Variants in AMZ1 observed in about 807,000 individuals in gnomAD.
AMZ1 encodes archaemetzincin-1.
AMZ1 carries 39 observed loss-of-function variants against 29.9 expected under a neutral mutation model. That is an observed-to-expected ratio of 1.30 (90% CI 1.01 to 1.70). The LOEUF is 1.70. AMZ1 is among the 40% of genes most tolerant of loss of function. The pLI, the probability that AMZ1 is intolerant of heterozygous loss-of-function variation, is 0.00. For synonymous variants in AMZ1, 458 were observed against 304.0 expected (o/e 1.51, Z -5.27); for missense variants, 1,041 against 680.6 (o/e 1.53, Z -5.89).
chr7:2,702,638 G>A, intron 2 of AMZ1, 84 bp from the exon 3 acceptor site: 3 of 1,429,724 alleles, frequency 2.1e-6, no homozygotes, highest in Non-Finnish European at 1.8e-6. Context: ...CACCCAGCAG[G>A]CCGGTGTCTG....
rs768068698 is a variant in AMZ1, at chr7:2,700,644, G to A, written c.193G>A (p.Asp65Asn). 7 of 1,611,814 alleles carry A rather than the reference G, an allele frequency of 4.3e-6. No homozygotes were observed. Among genetic ancestry groups the A allele is most frequent in the African/African-American group, 1.3e-5 (1 of 74,916 alleles). The change falls in exon 2 of 7, where the codon GAC (aspartate) becomes AAC (asparagine). Residue 65 changes from aspartate to asparagine, a missense_variant. Coordinates refer to ENST00000683327, the MANE Select transcript of AMZ1 (RefSeq NM_001384743.1). ...FCTLLIRTGF[D>N]WLLSRPEAPE... ...CACCCTGCTCATCCGCACGGGCTTC[G>A]ACTGGCTCCTGAGCCGACCCGAGGC...
chr7:2,762,048 C>T (rs1490472047), upstream of AMZ1: 4 of 152,540 alleles, frequency 2.6e-5, no homozygotes, highest in Admixed American at 1.3e-4. Context: ...GCTCCATCCG[C>T]ATTCCTTACC....
At chr7:2,703,928 G>A (rs1431752597) in intron 3 of AMZ1, among the ~76,000 whole-genome samples, 4 of 151,868 alleles carry the variant, frequency 2.6e-5, no homozygotes, top group East Asian at 1.9e-4. Flanking sequence ...TTGCTCTGTC[G>A]CCCAGGCTGG....
chr7:2,742,034 T>G (rs951994015), intron 4 of AMZ1, among the ~76,000 whole-genome samples: 1 of 151,954 alleles, frequency 6.6e-6, no homozygotes, highest in Non-Finnish European at 1.5e-5. Flanking sequence ...ATTTTTTTAT[T>G]TTTTTGAGAT....
At chr7:2,702,959 G>C (rs968916143) in intron 3 of AMZ1, 70 bp downstream of exon 3, 4 of 1,480,576 alleles carry the variant, frequency 2.7e-6, no homozygotes, top group East Asian at 2.5e-5. Flanking sequence ...TGGGAGGAAG[G>C]CGCCCAGGAG....
chr7:2,692,417 C>A lies in AMZ1; in HGVS notation c.-219+4121C>A, dbSNP rs1483629114. ...ATTAGCCGGGTGTGGTGGCGGGCGC[C>A]TTTAGTCCCAGCTATTCGGGAGGCT... On this transcript the variant is annotated intron_variant, in intron 1 of 6. Coordinates refer to ENST00000683327, the MANE Select transcript of AMZ1 (RefSeq NM_001384743.1). Among the ~76,000 whole-genome samples, 6 of 152,228 alleles carry A rather than the reference C, an allele frequency of 3.9e-5. No homozygotes were observed. The East Asian group carries it at 9.6e-4, about 24-fold the overall frequency.
At chr7:2,739,733 G>C (rs1208619085) in intron 4 of AMZ1, among the ~76,000 whole-genome samples, 3 of 152,124 alleles carry the variant, frequency 2.0e-5, no homozygotes, top group Admixed American at 6.5e-5. Flanking sequence ...GAGTGTAGTG[G>C]TGCGATCTTG....
At chr7:2,689,263 G>C (rs575975146) in intron 1 of AMZ1, among the ~76,000 whole-genome samples, 9 of 152,208 alleles carry the variant, frequency 5.9e-5, no homozygotes, top group Non-Finnish European at 1.3e-4. Flanking sequence ...GGTCAGATGG[G>C]GGAGCATGAG....
chr7:2,708,674 G>A lies in AMZ1; in HGVS notation c.559G>A (p.Glu187Lys), dbSNP rs1288935530. 29 of 1,613,044 alleles carry A rather than the reference G, an allele frequency of 1.8e-5. No individual in the cohort carries two copies. Among genetic ancestry groups the A allele is most frequent in the South Asian group, 2.2e-5 (2 of 91,076 alleles). Residue 187 changes from glutamate (E) to lysine (K), a missense_variant, in exon 4 of 7, where the codon GAG (glutamate) becomes AAG (lysine). Transcript: ENST00000683327. The stretch of plus-strand genomic sequence containing the variant: ...CACACTGTCTGACCTGTACCCCCAT[G>A]AGGCCTGGAGCTTCACCTTCAGCAA... ...GLTLSDLYPH[E>K]AWSFTFSKFL...
At chr7:2,687,325 TA>T (rs753707619), upstream of AMZ1, among the ~76,000 whole-genome samples, 1,007 of 142,406 alleles carry the variant, frequency 7.1e-3, no homozygotes, top group Middle Eastern at 0.011. Flanking sequence ...AGACTCCATC[TA>T]AAAAAAAAAA....
intron 4 of AMZ1, among the ~76,000 whole-genome samples, chr7:2,754,159 G>C (rs1381288434): frequency 2.6e-5 from 4 of 152,144 alleles, no homozygotes; most frequent in Non-Finnish European, 5.9e-5. Context: ...TATTGTATCT[G>C]TGTTAATAGG....
Position 2,700,719 on chromosome 7 carries a change from C to G in AMZ1, c.268C>G (p.Arg90Gly), listed in dbSNP as rs201758008. The part of the protein sequence containing the change: ...FHASLQHRKP[R>G]LARKHIYLQP... ...CGCCTCCCTGCAGCACCGGAAGCCCCGCCTGGCTCGGAAGCACATCTACCT... is the reference window on the plus strand; with the variant it reads ...CGCCTCCCTGCAGCACCGGAAGCCCGGCCTGGCTCGGAAGCACATCTACCT... The change falls in exon 2 of 7, where the codon CGC becomes GGC. Residue 90 changes from arginine to glycine, a missense_variant. By Grantham distance (125) the Arg-to-Gly change is moderately radical. Coordinates refer to ENST00000683327, the MANE Select transcript of AMZ1 (RefSeq NM_001384743.1). The G allele has an allele frequency of 1.2e-6, 2 of 1,612,986 alleles. No individual in the cohort carries two copies. Among genetic ancestry groups the G allele is most frequent in the African/African-American group, 2.7e-5 (2 of 74,930 alleles).
At chr7:2,763,217 CA>C, upstream of AMZ1, 2 of 435,364 alleles carry the variant, frequency 4.6e-6, no homozygotes, top group South Asian at 1.0e-4. Context: ...CACACACACA[CA>C]CACACACACA....
upstream of AMZ1, among the ~76,000 whole-genome samples, chr7:2,684,876 T>C (rs1787011269): frequency 6.7e-6 from 1 of 148,746 alleles, no homozygotes; most frequent in African/African-American, 2.5e-5. Context: ...TAATTGCTTT[T>C]TTTTTTTTTT....
intron 4 of AMZ1, among the ~76,000 whole-genome samples, chr7:2,746,185 G>A (rs555403985): frequency 5.4e-4 from 82 of 152,120 alleles, no homozygotes; most frequent in Middle Eastern, 3.4e-3. Flanking sequence ...AGACATCTAC[G>A]GAACTCTCCA....
At chr7:2,725,135 A>T (rs1423708825) in intron 4 of AMZ1, among the ~76,000 whole-genome samples, 1 of 152,148 alleles carries the variant, frequency 6.6e-6, no homozygotes, top group Non-Finnish European at 1.5e-5. Context: ...TGTGAATGGG[A>T]AATTCAAACA....
intron 4 of AMZ1, among the ~76,000 whole-genome samples, chr7:2,737,868 A>C (rs1382930800): frequency 6.6e-6 from 1 of 152,206 alleles, no homozygotes; most frequent in Non-Finnish European, 1.5e-5. Flanking sequence ...ACGCTAGCCA[A>C]ACAACAGAGA....
downstream of AMZ1, among the ~76,000 whole-genome samples, chr7:2,721,517 C>A (rs909514538): frequency 6.6e-6 from 1 of 152,122 alleles, no homozygotes. Context: ...GAGATCGAGA[C>A]CATCCTCGCT....
At chr7:2,736,343 CACTCAAGATTAACACAA>C (rs1282960053) in intron 4 of AMZ1, among the ~76,000 whole-genome samples, 1 of 152,180 alleles carries the variant, frequency 6.6e-6, no homozygotes, top group Admixed American at 6.5e-5. Flanking sequence ...AAACCTACAC[CACTCAAGATTAACACAA>C]ACTTGGACTT....
Sources: gnomAD v4.1 joint callset for allele counts (sites outside exome capture counted in the v4.1 genomes callset) on GRCh38, gnomAD v4.1.1 for gene constraint, MANE v1.5 for transcripts, NCBI Gene and HGNC (gene_info 2026-07-23, HGNC 2026-07-21) for gene names.